PPP2R5E: variants seen among roughly 807,000 people sequenced by gnomAD.
PPP2R5E encodes serine/threonine-protein phosphatase 2A 56 kDa regulatory subunit epsilon isoform.
In PPP2R5E, 4 loss-of-function variants were observed where a neutral mutation model predicts 65.3. That is an observed-to-expected ratio of 0.06 (90% confidence interval 0.03 to 0.14). PPP2R5E has a LOEUF of 0.14. PPP2R5E is among the 10% of genes least tolerant of loss of function. The probability of loss-of-function intolerance (pLI) is 1.00; values close to 1 mark genes in which losing one functional copy is unlikely to be tolerated. For synonymous variants in PPP2R5E, 183 were observed against 187.4 expected, an observed-to-expected ratio of 0.98 and a Z score of 0.19; for missense variants, 274 against 556.1, an observed-to-expected ratio of 0.49 and a Z score of 5.10.
intron 2 of PPP2R5E, among the ~76,000 whole-genome samples, chr14:63,493,885 C>T (rs929461572): frequency 6.6e-6 from 1 of 152,042 alleles, no homozygotes; most frequent in African/African-American, 2.4e-5. Context: ...TGTTCCAACT[C>T]CTAAAGTCGG....
chr14:63,484,347 T>TCACACACACACA (rs199749451), intron 2 of PPP2R5E, among the ~76,000 whole-genome samples: 366 of 139,664 alleles, frequency 2.6e-3, no homozygotes, highest in Middle Eastern at 0.014. Flanking sequence ...TCTCTCTCTC[T>TCACACACACACA]CACACACACA....
intron 7 of PPP2R5E, among the ~76,000 whole-genome samples, chr14:63,394,327 T>G (rs1885206753): frequency 6.6e-6 from 1 of 152,106 alleles, no homozygotes; most frequent in Non-Finnish European, 1.5e-5. Flanking sequence ...GCAAATGATC[T>G]GCCCACCTTG....
chr14:63,508,109 A>C, intron 2 of PPP2R5E: 1 of 979,346 alleles, frequency 1.0e-6, no homozygotes, highest in Non-Finnish European at 1.2e-6. Flanking sequence ...CCACCCCCAC[A>C]CACACTTCTA....
chr14:63,403,346 C>T (rs995238389), intron 5 of PPP2R5E, among the ~76,000 whole-genome samples: 2 of 146,060 alleles, frequency 1.4e-5, no homozygotes, highest in Non-Finnish European at 3.0e-5. Context: ...CAAGATCGTG[C>T]CACTACACTC....
At chr14:63,471,431 C>T (rs992072755) in intron 2 of PPP2R5E, among the ~76,000 whole-genome samples, 9 of 152,122 alleles carry the variant, frequency 5.9e-5, no homozygotes, top group African/African-American at 1.2e-4. Flanking sequence ...GAAAAAGATA[C>T]GCATTCTAAA....
At chr14:63,489,243 T>G (rs942411667) in intron 2 of PPP2R5E, among the ~76,000 whole-genome samples, 2 of 151,968 alleles carry the variant, frequency 1.3e-5, no homozygotes, top group African/African-American at 4.8e-5. Context: ...ATTTGGAAAG[T>G]AAAAAATGAA....
intron 10 of PPP2R5E, among the ~76,000 whole-genome samples, chr14:63,390,894 A>C (rs978211561): frequency 3.3e-5 from 5 of 152,234 alleles, no homozygotes; most frequent in African/African-American, 1.2e-4. Flanking sequence ...AAACTCATGC[A>C]CTACCCCATA....
intron 2 of PPP2R5E, among the ~76,000 whole-genome samples, chr14:63,530,055 G>T (rs1893348267): frequency 6.6e-6 from 1 of 151,980 alleles, no homozygotes; most frequent in South Asian, 2.1e-4. Context: ...GAATGGAAGG[G>T]ATGAATCTTT....
chr14:63,394,883 T>C (rs1334029652), intron 7 of PPP2R5E, among the ~76,000 whole-genome samples: 1 of 152,206 alleles, frequency 6.6e-6, no homozygotes, highest in African/African-American at 2.4e-5. Flanking sequence ...AAACTTGCTT[T>C]CAACAGATAA....
intron 5 of PPP2R5E, among the ~76,000 whole-genome samples, chr14:63,404,679 A>G (rs1391150977): frequency 1.3e-5 from 2 of 152,210 alleles, no homozygotes; most frequent in Admixed American, 1.3e-4. Context: ...AACTTTCGAA[A>G]GTGTAAGGCG....
intron 2 of PPP2R5E, among the ~76,000 whole-genome samples, chr14:63,501,121 C>T (rs1266228942): frequency 2.0e-5 from 3 of 152,004 alleles, no homozygotes; most frequent in South Asian, 2.1e-4. Flanking sequence ...TAATAAGGGC[C>T]GGGCGCAGTG....
rs1566736534 is a variant in PPP2R5E at position 63,484,388 on chromosome 14, A to ACACACACAC, written c.158-30504_158-30503insGTGTGTGTG. Among the ~76,000 whole-genome samples the ACACACACAC allele has an allele frequency of 1.1e-3, 132 of 124,582 alleles. 1 individual carries two copies. The highest frequency in any genetic ancestry group is 3.9e-3 in the African/African-American group (127 of 32,582). The allele number at this position is 124,582 out of a possible 152,430, so 81.7% of individuals were successfully genotyped here. ...ACACACACACACACACACACACACA[A>ACACACACAC]AGAATCGTATCAAGTGTAAAGAAGA... On this transcript the variant is annotated intron_variant, in intron 2 of 13. Transcript: ENST00000337537.
At chr14:63,405,112 C>T (rs1885989242) in intron 5 of PPP2R5E, among the ~76,000 whole-genome samples, 1 of 152,126 alleles carries the variant, frequency 6.6e-6, no homozygotes, top group African/African-American at 2.4e-5. Flanking sequence ...AGCAATAAAG[C>T]CCTTTTTACA....
intron 5 of PPP2R5E, among the ~76,000 whole-genome samples, chr14:63,405,450 A>C (rs1187708650): frequency 6.6e-6 from 1 of 152,226 alleles, no homozygotes; most frequent in Non-Finnish European, 1.5e-5. Flanking sequence ...GGACAGGCTG[A>C]ATGATTTGCA....
intron 10 of PPP2R5E, among the ~76,000 whole-genome samples, chr14:63,390,857 G>A (rs1594818536): frequency 3.3e-5 from 5 of 152,238 alleles, no homozygotes; most frequent in Admixed American, 2.6e-4. Context: ...CAGATCTGGT[G>A]CTCAGTTAGG....
At chr14:63,420,661 T>A (rs1020993101) in intron 4 of PPP2R5E, among the ~76,000 whole-genome samples, 1 of 152,248 alleles carries the variant, frequency 6.6e-6, no homozygotes, top group Admixed American at 6.5e-5. Flanking sequence ...ACAGACAGAC[T>A]TGCAAATTTG....
chr14:63,501,237 A>T (rs1201617633), intron 2 of PPP2R5E, among the ~76,000 whole-genome samples: 1 of 151,926 alleles, frequency 6.6e-6, no homozygotes, highest in African/African-American at 2.4e-5. Flanking sequence ...ATCTCTACTA[A>T]AAGAAATACA....
intron 3 of PPP2R5E, among the ~76,000 whole-genome samples, chr14:63,430,248 T>G (rs531534278): frequency 6.6e-6 from 1 of 152,222 alleles, no homozygotes; most frequent in African/African-American, 2.4e-5. Flanking sequence ...GCACAGTGGC[T>G]CACGCCTGTA....
rs149163909 is a variant in PPP2R5E, at chr14:63,443,295, T to G, written c.354+10394A>C. Among the ~76,000 whole-genome samples, 532 of 152,318 alleles carry G rather than the reference T, an allele frequency of 3.5e-3. 3 individuals are homozygous for G. The highest frequency in any genetic ancestry group is 5.5e-3 in the Non-Finnish European group (371 of 68,020). Reference sequence around the variant, plus strand: ...TAAATTAACTTTGGAAAATTACATATTCTACCATTTGAGGTATAAGCAGAG... The same window carrying G: ...TAAATTAACTTTGGAAAATTACATAGTCTACCATTTGAGGTATAAGCAGAG... On this transcript the variant is annotated intron_variant, in intron 3 of 13. Coordinates refer to ENST00000337537, the MANE Select transcript of PPP2R5E (RefSeq NM_006246.5).
Sources: allele counts gnomAD v4.1 joint callset (sites outside exome capture counted in the v4.1 genomes callset), GRCh38; gene constraint gnomAD v4.1.1; transcripts MANE v1.5; gene names NCBI Gene and HGNC (gene_info 2026-07-23, HGNC 2026-07-21).